ZFYVE16: variants seen among roughly 807,000 people sequenced by gnomAD.
The protein encoded by ZFYVE16 is zinc finger FYVE-type containing 16, also known as zinc finger FYVE domain-containing protein 16.
In ZFYVE16, 89 loss-of-function variants were observed where a neutral mutation model predicts 138.1. The observed-to-expected ratio is 0.64, with a 90% CI of 0.54 to 0.77. The LOEUF is 0.77. Among genes scored for constraint, ZFYVE16 ranks in the 30% least tolerant of loss-of-function variants. The probability of loss-of-function intolerance (pLI) is 0.00; values close to 1 mark genes in which losing one functional copy is unlikely to be tolerated. For synonymous variants in ZFYVE16, 596 were observed against 618.3 expected (o/e 0.96, Z 0.53); for missense variants, 1,793 against 1,786.7 (o/e 1.00, Z -0.06).
At chr5:80,440,179 G>C in intron 5 of ZFYVE16, 147 bp downstream of exon 5, 1 of 1,259,922 alleles carries the variant, frequency 7.9e-7, no homozygotes, top group Non-Finnish European at 1.0e-6. Flanking sequence ...CCAAGGCTTG[G>C]TTTCTCTTCT....
chr5:80,451,377 G>T, intron 10 of ZFYVE16, 108 bp from the exon 11 acceptor site: 1 of 789,742 alleles, frequency 1.3e-6, no homozygotes. Context: ...TATTGGGACA[G>T]TTTATATGTA....
At chr5:80,422,657 G>T (rs1364641641) in intron 1 of ZFYVE16, among the ~76,000 whole-genome samples, 2 of 152,092 alleles carry the variant, frequency 1.3e-5, no homozygotes, top group Non-Finnish European at 2.9e-5. Context: ...GTTTCACCAT[G>T]TTGGCCTGGC....
chr5:80,437,304 T>C lies in ZFYVE16; in HGVS notation c.619T>C (p.Leu207=), dbSNP rs749546414. The C allele has an allele frequency of 1.9e-6, 3 of 1,607,344 alleles. No homozygotes were observed. The highest frequency in any genetic ancestry group is 2.7e-5 in the African/African-American group (2 of 74,562). The change falls in exon 4 of 19, where the codon TTG becomes CTG. Residue 207 remains leucine (L), a synonymous_variant. Transcript: ENST00000505560. ...QNREIGGIKE[L]GIKVDTTLSD... ...TAGAGAAATCGGAGGAATCAAAGAA[T>C]TGGGTATAAAAGTAGATACAACACT...
chr5:80,455,901 C>T, intron 12 of ZFYVE16, 127 bp downstream of exon 12: 2 of 805,448 alleles, frequency 2.5e-6, no homozygotes, highest in Non-Finnish European at 3.7e-6. Flanking sequence ...CATTCATTTA[C>T]AATAAATCCT....
chr5:80,429,764 A>G (rs1300294980), intron 2 of ZFYVE16, among the ~76,000 whole-genome samples: 2 of 151,856 alleles, frequency 1.3e-5, no homozygotes, highest in African/African-American at 4.8e-5. Context: ...AAGATATACC[A>G]AACACATAAA....
intron 1 of ZFYVE16, among the ~76,000 whole-genome samples, chr5:80,409,279 A>G (rs1337420651): frequency 2.0e-5 from 3 of 152,238 alleles, no homozygotes; most frequent in African/African-American, 4.8e-5. Flanking sequence ...ACATGAGCAA[A>G]GTATCTTTTG....
intron 1 of ZFYVE16, among the ~76,000 whole-genome samples, chr5:80,419,669 G>A (rs915180294): frequency 1.3e-4 from 20 of 152,114 alleles, no homozygotes; most frequent in African/African-American, 2.4e-5. Context: ...GAGCCACTGC[G>A]CCTGGCTGAT....
chr5:80,415,713 G>C (rs1403081677), intron 1 of ZFYVE16, among the ~76,000 whole-genome samples: 2 of 151,934 alleles, frequency 1.3e-5, no homozygotes, highest in African/African-American at 4.8e-5. Context: ...TATCACCCAG[G>C]CTGGAGTGCA....
chr5:80,463,216 C>T (rs1231067749), intron 15 of ZFYVE16, among the ~76,000 whole-genome samples: 1 of 152,200 alleles, frequency 6.6e-6, no homozygotes, highest in Non-Finnish European at 1.5e-5. Flanking sequence ...AGGGTTCCAC[C>T]CCTGCAGCAA....
chr5:80,451,239 T>C (rs1751959438), intron 10 of ZFYVE16, among the ~76,000 whole-genome samples: 1 of 152,208 alleles, frequency 6.6e-6, no homozygotes, highest in Non-Finnish European at 1.5e-5. Flanking sequence ...CATTTTCAAA[T>C]TTTTGTTCAT....
intron 1 of ZFYVE16, among the ~76,000 whole-genome samples, chr5:80,419,638 G>C (rs956772909): frequency 4.0e-5 from 6 of 151,630 alleles, no homozygotes; most frequent in Admixed American, 3.9e-4. Context: ...CAGCCTCCCA[G>C]AGTGCTGGGA....
intron 1 of ZFYVE16, among the ~76,000 whole-genome samples, chr5:80,408,635 A>T (rs1744975171): frequency 6.6e-6 from 1 of 152,186 alleles, no homozygotes; most frequent in African/African-American, 2.4e-5. Context: ...GCACCCATGC[A>T]TTTTCTCTTG....
intron 4 of ZFYVE16, 131 bp downstream of exon 4, chr5:80,439,138 C>T (rs899571681): frequency 3.4e-5 from 33 of 979,102 alleles, no homozygotes; most frequent in Non-Finnish European, 4.3e-5. Flanking sequence ...TTTCATCTAC[C>T]AGTCAGGGAA....
intron 3 of ZFYVE16, among the ~76,000 whole-genome samples, chr5:80,436,369 T>C (rs1211124989): frequency 7.2e-5 from 11 of 152,150 alleles, no homozygotes; most frequent in Non-Finnish European, 1.5e-4. Flanking sequence ...GACATCAAAT[T>C]ATCAGAGCAA....
chr5:80,452,487 T>C (rs1009055344), intron 11 of ZFYVE16: 2 of 151,816 alleles, frequency 1.3e-5, no homozygotes, highest in Admixed American at 1.3e-4. Flanking sequence ...CATTTTGGAT[T>C]TCAGGTTTTT....
rs1185797719 is a variant in ZFYVE16, at chr5:80,470,101, AT to A, written c.4025-2642del. ...TGTGTGTGTGTGTGTGTGTGTGTGT[AT>A]TTTTTTTTTTTTTTTTTGAGACAGA... On this transcript the variant is annotated intron_variant, in intron 15 of 18. Coordinates refer to ENST00000505560, the MANE Select transcript of ZFYVE16 (RefSeq NM_001284236.3). 1.7e-3 allele frequency among the ~76,000 whole-genome samples: 185 copies of A among 108,518 alleles called. 1 individual carries two copies. The highest frequency in any genetic ancestry group is 6.8e-3 in the African/African-American group (161 of 23,626). The allele number at this position is 108,518 out of a possible 152,430, so 71.2% of individuals were successfully genotyped here. A position where few individuals can be genotyped will look rare whatever the true frequency, so the allele number is the denominator to read the frequency against.
intron 2 of ZFYVE16, among the ~76,000 whole-genome samples, chr5:80,431,527 A>G (rs1749022226): frequency 6.6e-6 from 1 of 152,220 alleles, no homozygotes; most frequent in African/African-American, 2.4e-5. Flanking sequence ...GAAAACTGGC[A>G]CAAGACAGGG....
intron 1 of ZFYVE16, among the ~76,000 whole-genome samples, chr5:80,421,869 C>G (rs1398461461): frequency 1.3e-5 from 2 of 152,106 alleles, no homozygotes; most frequent in East Asian, 1.9e-4. Flanking sequence ...GGCATTGAAT[C>G]TATAAATTAC....
chr5:80,450,122 TA>T (rs1351577897), intron 9 of ZFYVE16, among the ~76,000 whole-genome samples: 5 of 152,220 alleles, frequency 3.3e-5, no homozygotes, highest in Admixed American at 2.0e-4. Context: ...TAATCATTAA[TA>T]ATTAATAATC....
Sources: gnomAD v4.1 joint callset for allele counts (sites outside exome capture counted in the v4.1 genomes callset) on GRCh38, gnomAD v4.1.1 for gene constraint, MANE v1.5 for transcripts, NCBI Gene and HGNC (gene_info 2026-07-23, HGNC 2026-07-21) for gene names.